Variants in RPA1 observed in about 807,000 individuals in gnomAD.
The protein encoded by RPA1 is replication protein A 70 kDa DNA-binding subunit.
A neutral mutation model predicts 83.0 loss-of-function variants in RPA1; 49 were observed. The observed-to-expected ratio is 0.59, with a 90% CI of 0.47 to 0.75. The LOEUF (loss-of-function observed/expected upper bound fraction) is 0.75, where lower values mean the gene tolerates loss of function less well. Among genes scored for constraint, RPA1 ranks in the 30% least tolerant of loss-of-function variants. The pLI is 0.00. For synonymous variants in RPA1, 279 were observed against 281.8 expected (o/e 0.99, Z 0.10); for missense variants, 693 against 776.1 (o/e 0.89, Z 1.27).
At position 1,884,091 on chromosome 17, in the gene RPA1, C is replaced by A; in HGVS notation, c.1374+147C>A. 1 of 1,109,290 alleles carries A rather than the reference C, an allele frequency of 9.0e-7. No individual in the cohort carries two copies. Among genetic ancestry groups the A allele is most frequent in the Non-Finnish European group, 1.3e-6 (1 of 781,530 alleles). The allele number at this position is 1,109,290 out of a possible 1,614,324, so 68.7% of individuals were successfully genotyped here. ...AGCGTGGCATGGGGGTTGAGAATCA[C>A]TGGCAGAGGGAAGCAGCCAGGTGTG... On this transcript the variant is annotated intron_variant, in intron 13 of 16. Coordinates refer to ENST00000254719, the MANE Select transcript of RPA1 (RefSeq NM_002945.5). The surrounding 1 kb of genome is among the most constrained non-coding windows in gnomAD (Gnocchi z 4.1).
At chr17:1,872,139 G>T in intron 5 of RPA1, 2 of 381,602 alleles carry the variant, frequency 5.2e-6, no homozygotes, top group South Asian at 7.1e-5. Context: ...TTTACTGCAG[G>T]TTGTTGCAGG....
intron 6 of RPA1, among the ~76,000 whole-genome samples, chr17:1,873,992 C>CAAAAAAAAAA (rs71150832): frequency 2.0e-4 from 9 of 45,420 alleles, no homozygotes; most frequent in African/African-American, 1.4e-3. Flanking sequence ...GACTCTGTCT[C>CAAAAAAAAAA]AAAAAAAAAA....
chr17:1,876,118 T>A (rs1252244930), intron 7 of RPA1, among the ~76,000 whole-genome samples: 1 of 152,244 alleles, frequency 6.6e-6, no homozygotes, highest in East Asian at 1.9e-4. Flanking sequence ...ATATTTCTGA[T>A]AATTCAAAAG....
chr17:1,896,793 A>G (rs4790838), intron 16 of RPA1, among the ~76,000 whole-genome samples: 40,958 of 152,150 alleles, frequency 0.27, 5,954 homozygotes, highest in East Asian at 0.35. Context: ...AAATGAAACT[A>G]GAGAAACCCT....
intron 12 of RPA1, 149 bp downstream of exon 12, chr17:1,880,840 G>T (rs2151287812): frequency 1.8e-6 from 2 of 1,086,550 alleles, no homozygotes; most frequent in Non-Finnish European, 2.6e-6. Context: ...TATGCCTTCT[G>T]TGAGGAGGGC....
At chr17:1,893,299 A>G (rs1914267442) in intron 15 of RPA1, among the ~76,000 whole-genome samples, 1 of 152,218 alleles carries the variant, frequency 6.6e-6, no homozygotes, top group Non-Finnish European at 1.5e-5. Flanking sequence ...CTGCCGGTGA[A>G]TGAGGACATA....
chr17:1,895,823 C>T (rs956852278), intron 16 of RPA1, among the ~76,000 whole-genome samples: 10 of 151,904 alleles, frequency 6.6e-5, no homozygotes, highest in African/African-American at 2.4e-4. Context: ...GCTGGGATTA[C>T]AGGCGCCCGC....
At chr17:1,873,062 G>A (rs1168562792) in intron 6 of RPA1, among the ~76,000 whole-genome samples, 2 of 152,182 alleles carry the variant, frequency 1.3e-5, no homozygotes, top group Non-Finnish European at 1.5e-5. Context: ...TGACCAAGTA[G>A]TTTCTTCGTT....
At chr17:1,886,689 A>G (rs1597457412) in intron 13 of RPA1, among the ~76,000 whole-genome samples, 1 of 147,850 alleles carries the variant, frequency 6.8e-6, no homozygotes, top group Non-Finnish European at 1.5e-5. Context: ...GCTGGCTGCC[A>G]TCTTTTCTTC....
rs566395382 is a variant in RPA1, at chr17:1,844,072, A to G, written c.163+74A>G. 35 of 1,366,204 alleles carry G rather than the reference A, an allele frequency of 2.6e-5. 1 individual carries two copies. The South Asian group carries it at 3.6e-4, about 14-fold the overall frequency. The allele number at this position is 1,366,204 out of a possible 1,614,324, so 84.6% of individuals were successfully genotyped here. ...AAGCACACCTGGTCCTTTGGTTGCC[A>G]TAATTTGGGGGCATTCGTGAAGTCC... On this transcript the variant is annotated intron_variant, in intron 3 of 16. Coordinates refer to ENST00000254719, the MANE Select transcript of RPA1 (RefSeq NM_002945.5).
chr17:1,888,220 C>A (rs917343764), intron 13 of RPA1, among the ~76,000 whole-genome samples: 1 of 152,182 alleles, frequency 6.6e-6, no homozygotes, highest in Non-Finnish European at 1.5e-5. Context: ...GGCCTAGACA[C>A]GACTGCCGTG....
At chr17:1,835,850 T>C (rs1488478679) in intron 1 of RPA1, among the ~76,000 whole-genome samples, 1 of 152,142 alleles carries the variant, frequency 6.6e-6, no homozygotes, top group East Asian at 1.9e-4. Flanking sequence ...TGGCCGGGCA[T>C]GGTGGCTCAC....
At chr17:1,876,826 A>G (rs1017208956) in intron 7 of RPA1, among the ~76,000 whole-genome samples, 1 of 152,220 alleles carries the variant, frequency 6.6e-6, no homozygotes, top group African/African-American at 2.4e-5. Context: ...ATGAGACAGA[A>G]GTGTAACACC....
chr17:1,845,889 C>T (rs767033151), intron 4 of RPA1, among the ~76,000 whole-genome samples: 1 of 152,070 alleles, frequency 6.6e-6, no homozygotes, highest in Non-Finnish European at 1.5e-5. Flanking sequence ...GCTGAGATCA[C>T]GCCACTGCAC....
At chr17:1,858,486 C>G in intron 5 of RPA1, 2 of 1,045,000 alleles carry the variant, frequency 1.9e-6, no homozygotes, top group Non-Finnish European at 1.5e-6. Context: ...TTTTTTGAGA[C>G]AGAGTCTTGC....
chr17:1,855,749 GT>G (rs368738140), intron 5 of RPA1, among the ~76,000 whole-genome samples: 30 of 151,964 alleles, frequency 2.0e-4, no homozygotes, highest in African/African-American at 5.8e-4. Context: ...TTCTGCAGCA[GT>G]TTATGTAGAC....
intron 1 of RPA1, among the ~76,000 whole-genome samples, chr17:1,841,495 G>C (rs1406968706): frequency 1.3e-5 from 2 of 152,058 alleles, no homozygotes; most frequent in East Asian, 1.9e-4. Flanking sequence ...ATGGAAACAG[G>C]GTTTCACCAT....
In RPA1 at chr17:1,857,665, C is replaced by T. The variant is rs1386318066; in HGVS notation, c.361+4476C>T. Among the ~76,000 whole-genome samples the T allele has an allele frequency of 3.5e-5, 5 of 144,906 alleles. No individual in the cohort carries two copies. The East Asian group carries it at 8.5e-4, about 25-fold the overall frequency. On this transcript the variant is annotated intron_variant, in intron 5 of 16. Coordinates refer to ENST00000254719, the MANE Select transcript of RPA1 (RefSeq NM_002945.5). ...TCACCAACCCACCCCCCACCCGGCC[C>T]GTCCCCAGGGCAGAAGCCACAGAGC...
intron 1 of RPA1, among the ~76,000 whole-genome samples, chr17:1,832,541 G>A (rs1911659540): frequency 6.6e-6 from 1 of 151,684 alleles, no homozygotes; most frequent in Non-Finnish European, 1.5e-5. Context: ...AGACTGCCAT[G>A]ATGCCCGGCT....
Sources: gnomAD v4.1 joint callset for allele counts (sites outside exome capture counted in the v4.1 genomes callset) on GRCh38, gnomAD v4.1.1 for gene constraint, Gnocchi (gnomAD v3.1) non-coding constraint, MANE v1.5 for transcripts, NCBI Gene and HGNC (gene_info 2026-07-23, HGNC 2026-07-21) for gene names.